Variants in NPIPA5 observed in about 807,000 individuals in gnomAD.
NPIPA5 encodes the protein nuclear pore complex-interacting protein family member A5.
In NPIPA5, 6 loss-of-function variants were observed where a neutral mutation model predicts 21.4. The observed-to-expected ratio is 0.28, with a 90% CI of 0.15 to 0.55. The LOEUF (loss-of-function observed/expected upper bound fraction) is 0.55, where lower values mean the gene tolerates loss of function less well. Ranked by LOEUF, NPIPA5 falls within the 20% of genes least tolerant of loss-of-function variation. NPIPA5 has a pLI of 0.93. For synonymous variants in NPIPA5, 33 were observed against 115.3 expected, an observed-to-expected ratio of 0.29 and a Z score of 4.57; for missense variants, 99 against 318.2, an observed-to-expected ratio of 0.31 and a Z score of 5.24.
At chr16:15,381,069 T>G, upstream of NPIPA5, 1 of 1,532,774 alleles carries the variant, frequency 6.5e-7, no homozygotes, top group Non-Finnish European at 8.7e-7. Flanking sequence ...GAACAGGGGC[T>G]CATGATGAGT....
In NPIPA5 at chr16:15,363,768, G is replaced by T; in HGVS notation, c.944C>A (p.Pro315His). Residue 315 changes from proline (P) to histidine (H), a missense_variant, in exon 8 of 8, where the codon CCC (proline) becomes CAC (histidine). Physicochemically the swap from Pro to His is moderately conservative, Grantham distance 77 (BLOSUM62 -2). Around this residue, in one of 5 missense-constraint regions of NPIPA5, gnomAD observed 75 missense variants for 138.5 expected, o/e 0.54. Coordinates refer to ENST00000360151, the MANE Select transcript of NPIPA5 (RefSeq NM_001277325.2). ...LKTPAECLLT[P>H]LPPSAPPSAD... is the part of the protein sequence containing the mutation. ...TGAGGGTGGAGCTGAGGGTGGAAGG[G>T]GAGTGAGCAGACACTCGGCAGGTGT... 5 of 1,290,680 alleles carry T rather than the reference G, an allele frequency of 3.9e-6. No individual in the cohort carries two copies. The highest frequency in any genetic ancestry group is 2.0e-6 in the Non-Finnish European group (2 of 986,116). The allele number at this position is 1,290,680 out of a possible 1,614,324, so 80.0% of individuals were successfully genotyped here. A position where few individuals can be genotyped will look rare whatever the true frequency, so the allele number is the denominator to read the frequency against.
At chr16:15,377,112 G>A (rs1248669839) in intron 1 of NPIPA5, among the ~76,000 whole-genome samples, 12 of 151,902 alleles carry the variant, frequency 7.9e-5, no homozygotes, top group African/African-American at 2.9e-4. Flanking sequence ...CAGCTCCTGG[G>A]CCCAAGCGAT....
At chr16:15,380,564 C>G (rs2050414663), upstream of NPIPA5, among the ~76,000 whole-genome samples, 1 of 151,968 alleles carries the variant, frequency 6.6e-6, no homozygotes, top group African/African-American at 2.4e-5. Flanking sequence ...CTCTGGTGAT[C>G]CACCAGCCTC....
At chr16:15,372,720 C>T (rs867144625) in intron 2 of NPIPA5, among the ~76,000 whole-genome samples, 4 of 145,898 alleles carry the variant, frequency 2.7e-5, no homozygotes, top group Middle Eastern at 3.5e-3. Context: ...GGTATTAGTA[C>T]TTTTATCTTG....
At chr16:15,376,887 T>C (rs1429450208) in intron 1 of NPIPA5, among the ~76,000 whole-genome samples, 1 of 151,996 alleles carries the variant, frequency 6.6e-6, no homozygotes, top group Non-Finnish European at 1.5e-5. Context: ...GGCAGGACAA[T>C]TGCTTGAACC....
chr16:15,377,659 G>A (rs1430202630), intron 1 of NPIPA5, among the ~76,000 whole-genome samples: 1 of 111,450 alleles, frequency 9.0e-6, no homozygotes, highest in Admixed American at 1.0e-4. Context: ...GGAAGGGGAA[G>A]GGGAGGGGAA....
At chr16:15,369,360 G>A (rs1222547858) in intron 4 of NPIPA5, among the ~76,000 whole-genome samples, 2 of 150,230 alleles carry the variant, frequency 1.3e-5, no homozygotes, top group Non-Finnish European at 3.0e-5. Context: ...GGAGGCTGAG[G>A]CAGGAGAATT....
upstream of NPIPA5, among the ~76,000 whole-genome samples, chr16:15,379,709 A>G (rs2050390637): frequency 1.3e-5 from 2 of 152,052 alleles, no homozygotes; most frequent in African/African-American, 4.8e-5. Context: ...GCACTTTGGG[A>G]GGCTGAGGCA....
chr16:15,370,528 GAAC>G (rs2050125315), intron 2 of NPIPA5, among the ~76,000 whole-genome samples: 1 of 144,200 alleles, frequency 6.9e-6, no homozygotes, highest in Non-Finnish European at 1.5e-5. Context: ...GAGGCAGGCG[GAAC>G]ACCTGAGGTC....
chr16:15,368,322 T>G (rs2050035013), intron 4 of NPIPA5, among the ~76,000 whole-genome samples: 1 of 151,698 alleles, frequency 6.6e-6, no homozygotes, highest in Non-Finnish European at 1.5e-5. Flanking sequence ...TTGTAGGGAC[T>G]GAGCCTGCAC....
At chr16:15,366,851 T>G in intron 4 of NPIPA5, 91 bp from the exon 5 acceptor site, 1 of 1,523,434 alleles carries the variant, frequency 6.6e-7, no homozygotes, top group South Asian at 1.2e-5. Flanking sequence ...GATTCAAAGA[T>G]CCCCCCTGCA....
intron 1 of NPIPA5, among the ~76,000 whole-genome samples, chr16:15,376,810 G>A (rs1479859414): frequency 6.6e-6 from 1 of 151,946 alleles, no homozygotes; most frequent in Non-Finnish European, 1.5e-5. Flanking sequence ...AATTAGCCAG[G>A]CGTGGTGGTC....
upstream of NPIPA5, among the ~76,000 whole-genome samples, chr16:15,379,444 G>A (rs1418493600): frequency 2.0e-5 from 3 of 151,796 alleles, no homozygotes; most frequent in African/African-American, 4.8e-5. Context: ...GTGGGCACCT[G>A]TAGTCCCACC....
intron 1 of NPIPA5, among the ~76,000 whole-genome samples, chr16:15,376,613 C>T (rs1181213646): frequency 6.6e-6 from 1 of 151,210 alleles, no homozygotes; most frequent in Non-Finnish European, 1.5e-5. Flanking sequence ...AGTTAGTAAA[C>T]TTACACTTAA....
rs1421638214 is a variant in NPIPA5, at chr16:15,372,388, G to C, written c.192+1327C>G. On this transcript the variant is annotated intron_variant, in intron 2 of 7. Transcript: ENST00000360151. ...TAATCCCAGCTACTTGAGAGGCTGA[G>C]GCAGGGGAATCACTTGAAGCCAGGA... 3.4e-5 allele frequency among the ~76,000 whole-genome samples: 5 copies of C among 147,634 alleles called. 1 individual carries two copies.
rs1354487304 is a variant in NPIPA5, at chr16:15,371,225, AC to A, written c.193-1107del. Among the ~76,000 whole-genome samples the A allele has an allele frequency of 9.9e-5, 14 of 141,822 alleles. 1 individual carries two copies. In the East Asian group the frequency reaches 3.1e-3, roughly 31 times the overall value. 93.0% of individuals were successfully genotyped at this position (141,822 alleles called of 152,430 possible). On this transcript the variant is annotated intron_variant, in intron 2 of 7. Transcript: ENST00000360151. ...TGAGTTCTAGAATTTGTAACATTTC[AC>A]CCCCTGCTCCTTCCTGATCTGCACT... is the stretch of plus-strand genomic sequence containing the variant.
chr16:15,377,806 G>T (rs1262874206), intron 1 of NPIPA5, among the ~76,000 whole-genome samples: 2 of 150,812 alleles, frequency 1.3e-5, no homozygotes, highest in Non-Finnish European at 3.0e-5. Context: ...ACAGGTCACG[G>T]AGAAGATCAG....
chr16:15,379,365 C>T (rs1415658877), upstream of NPIPA5, among the ~76,000 whole-genome samples: 1 of 149,860 alleles, frequency 6.7e-6, no homozygotes, highest in Non-Finnish European at 1.5e-5. Flanking sequence ...GTCAGGAGTT[C>T]CAGACCAGCC....
At chr16:15,367,283 T>C (rs531333575) in intron 4 of NPIPA5, among the ~76,000 whole-genome samples, 1,581 of 152,022 alleles carry the variant, frequency 0.01, 35 homozygotes, top group African/African-American at 0.035. Flanking sequence ...TCATTAACCC[T>C]GCAGTTCACT....
Sources: allele counts gnomAD v4.1 joint callset (sites outside exome capture counted in the v4.1 genomes callset), GRCh38; gene constraint gnomAD v4.1.1; regional missense constraint gnomAD v4.1.1; transcripts MANE v1.5; gene names NCBI Gene and HGNC (gene_info 2026-07-23, HGNC 2026-07-21).